Variants in FANK1 observed in about 807,000 individuals in gnomAD.
FANK1 encodes fibronectin type III and ankyrin repeat domains 1.
FANK1 carries 44 observed loss-of-function variants against 45.3 expected under a neutral mutation model. The ratio of observed to expected loss-of-function variants is 0.97; its 90% CI spans 0.76 to 1.25. The LOEUF (loss-of-function observed/expected upper bound fraction) is 1.25, where lower values mean the gene tolerates loss of function less well. Ranked by LOEUF, FANK1 falls within the 50% of genes most tolerant of loss-of-function variation. The probability of loss-of-function intolerance (pLI) is 0.00; values close to 1 mark genes in which losing one functional copy is unlikely to be tolerated. For missense variants in FANK1, 391 were observed against 424.4 expected (o/e 0.92, Z 0.69); for synonymous variants, 149 against 152.5 (o/e 0.98, Z 0.17).
chr10:125,997,552 A>C, intron 6 of FANK1, 67 bp downstream of exon 6: 1 of 1,471,642 alleles, frequency 6.8e-7, no homozygotes, highest in Non-Finnish European at 9.4e-7. Context: ...GCTTGTGCCC[A>C]GAGGGGTTGT....
At chr10:125,908,070 C>T (rs1589796345) in intron 1 of FANK1, among the ~76,000 whole-genome samples, 1 of 150,124 alleles carries the variant, frequency 6.7e-6, no homozygotes. Flanking sequence ...GCTCTCGGCT[C>T]ACTACAACCT....
chr10:125,998,722 A>G (rs1320262488), intron 6 of FANK1, among the ~76,000 whole-genome samples: 2 of 148,968 alleles, frequency 1.3e-5, no homozygotes, highest in Non-Finnish European at 3.0e-5. Flanking sequence ...ATAATAGTAG[A>G]TAATTTCATT....
intron 1 of FANK1, among the ~76,000 whole-genome samples, chr10:125,928,058 A>G (rs1947490201): frequency 6.6e-6 from 1 of 152,178 alleles, no homozygotes; most frequent in Non-Finnish European, 1.5e-5. Context: ...GTCCTGATCT[A>G]GACTCCAAGA....
At chr10:125,999,286 G>A (rs969271193) in intron 6 of FANK1, among the ~76,000 whole-genome samples, 5 of 146,538 alleles carry the variant, frequency 3.4e-5, no homozygotes, top group African/African-American at 5.1e-5. Flanking sequence ...TGCAAGCTCT[G>A]CCTCCCGGGT....
chr10:125,911,473 G>T (rs1376755854), intron 1 of FANK1, among the ~76,000 whole-genome samples: 2 of 152,226 alleles, frequency 1.3e-5, no homozygotes, highest in East Asian at 3.8e-4. Context: ...AGGAAACTTA[G>T]AAGAGCTGTT....
Position 125,918,556 on chromosome 10 carries a change from C to CAAAAAAAAA in FANK1, c.13+21923_13+21931dup, listed in dbSNP as rs1156446362. 5.6e-4 allele frequency among the ~76,000 whole-genome samples: 4 copies of CAAAAAAAAA among 7,102 alleles called. 2 individuals are homozygous for CAAAAAAAAA. Among genetic ancestry groups the CAAAAAAAAA allele is most frequent in the Non-Finnish European group, 1.2e-3 (4 of 3,324 alleles). 4.7% of individuals were successfully genotyped at this position (7,102 alleles called of 152,430 possible). A position where few individuals can be genotyped will look rare whatever the true frequency, so the allele number is the denominator to read the frequency against. ...CTGGTGACAGAGCAAGCCTCTGTCT[C>CAAAAAAAAA]AAAAAAAAAAAAAAAAAAAAAAAAA... is the stretch of plus-strand genomic sequence containing the variant. On this transcript the variant is annotated intron_variant, in intron 1 of 10. Transcript: ENST00000368693.
intron 1 of FANK1, among the ~76,000 whole-genome samples, chr10:125,940,959 C>T (rs1362989118): frequency 6.6e-6 from 1 of 152,230 alleles, no homozygotes; most frequent in Non-Finnish European, 1.5e-5. Flanking sequence ...GCTAAAGTTA[C>T]AGATTAATAG....
chr10:125,931,566 T>A (rs1482314517), intron 1 of FANK1, among the ~76,000 whole-genome samples: 1 of 152,224 alleles, frequency 6.6e-6, no homozygotes, highest in Non-Finnish European at 1.5e-5. Context: ...ATGGGATTGT[T>A]TTTTTCTTAC....
chr10:125,917,514 C>T (rs1031088691), intron 1 of FANK1, among the ~76,000 whole-genome samples: 28 of 152,068 alleles, frequency 1.8e-4, no homozygotes, highest in African/African-American at 6.8e-4. Flanking sequence ...TTTGACGAAC[C>T]TAATATATAA....
chr10:125,989,911 C>T (rs1020158377), intron 3 of FANK1, among the ~76,000 whole-genome samples: 11 of 152,192 alleles, frequency 7.2e-5, no homozygotes, highest in African/African-American at 2.7e-4. Context: ...GCCAGGATGC[C>T]GTCCCAGGCT....
At chr10:125,920,437 C>T (rs572206548) in intron 1 of FANK1, among the ~76,000 whole-genome samples, 79 of 152,240 alleles carry the variant, frequency 5.2e-4, no homozygotes, top group African/African-American at 1.8e-3. Flanking sequence ...AGGAAATTTA[C>T]AGAGATTTTT....
intron 1 of FANK1, among the ~76,000 whole-genome samples, chr10:125,915,655 G>C (rs1037717595): frequency 6.6e-5 from 10 of 152,240 alleles, no homozygotes; most frequent in Admixed American, 2.6e-4. Context: ...TACAAAAAAA[G>C]TTCCAAAAAT....
At chr10:126,003,485 T>G (rs1233723243) in intron 6 of FANK1, among the ~76,000 whole-genome samples, 5 of 152,138 alleles carry the variant, frequency 3.3e-5, no homozygotes, top group Non-Finnish European at 7.4e-5. Context: ...TCATGTTACA[T>G]CCATTGGGAG....
Position 125,983,190 on chromosome 10 carries a change from G to GC in FANK1, c.191+2852_191+2853insC, listed in dbSNP as rs1951332197. 6.6e-6 allele frequency among the ~76,000 whole-genome samples: 1 copy of GC among 152,106 alleles called. No homozygotes were observed. The highest frequency in any genetic ancestry group is 2.4e-5 in the African/African-American group (1 of 41,422). ...TTCAGTTGTTTTCCCTGTTTGGACA[G>GC]ATTTTCCCCTCTCACCCTATTCTTT... On this transcript the variant is annotated intron_variant, in intron 2 of 10. Transcript: ENST00000368693. This position sits in a 1 kb window ranked among gnomAD's most constrained non-coding sequence, Gnocchi z 4.3.
At chr10:125,947,371 C>G (rs1407359112) in intron 1 of FANK1, among the ~76,000 whole-genome samples, 10 of 149,976 alleles carry the variant, frequency 6.7e-5, no homozygotes, top group Admixed American at 6.6e-4. Flanking sequence ...GGAAACCCAT[C>G]TCATGTGCAG....
At chr10:126,005,997 T>C (rs1953168285) in intron 7 of FANK1, among the ~76,000 whole-genome samples, 1 of 152,222 alleles carries the variant, frequency 6.6e-6, no homozygotes, top group Non-Finnish European at 1.5e-5. Context: ...GTAATTAGAA[T>C]TAGATCAATT....
At chr10:125,995,671 A>G (rs2271647) in intron 4 of FANK1, 173 bp downstream of exon 4, 398,029 of 581,500 alleles carry the variant, frequency 0.68, 137,717 homozygotes, top group East Asian at 0.81. Flanking sequence ...AAAGATGCTC[A>G]TGAAGCCCCA....
rs1301188526 is a variant in FANK1 at position 126,009,531 on chromosome 10, T to A, written c.*93T>A. The A allele has an allele frequency of 1.5e-6, 2 of 1,319,618 alleles. No homozygotes were observed. The highest frequency in any genetic ancestry group is 2.3e-5 in the East Asian group (1 of 42,884). 81.7% of individuals were successfully genotyped at this position (1,319,618 alleles called of 1,614,324 possible). ...GGAAATTCTGCATCTTGGGGGGCTGTACATTTATTTATTTAGTTGAAGATT... is the reference window on the plus strand; with the variant it reads ...GGAAATTCTGCATCTTGGGGGGCTGAACATTTATTTATTTAGTTGAAGATT... On this transcript the variant is annotated 3_prime_UTR_variant, in exon 11 of 11. Coordinates refer to ENST00000368693, the MANE Select transcript of FANK1 (RefSeq NM_145235.5).
intron 1 of FANK1, among the ~76,000 whole-genome samples, chr10:125,971,116 C>T (rs2134190633): frequency 6.6e-6 from 1 of 152,232 alleles, no homozygotes; most frequent in East Asian, 1.9e-4. Context: ...GTGCTTTCTG[C>T]CCTAAGTATA....
Sources: allele counts gnomAD v4.1 joint callset (sites outside exome capture counted in the v4.1 genomes callset), GRCh38; gene constraint gnomAD v4.1.1; non-coding constraint Gnocchi (gnomAD v3.1); transcripts MANE v1.5; gene names NCBI Gene and HGNC (gene_info 2026-07-23, HGNC 2026-07-21).